Variants in CLK4 observed in about 807,000 individuals in gnomAD.
CLK4 encodes the protein dual specificity protein kinase CLK4.
CLK4 carries 37 observed loss-of-function variants against 64.4 expected under a neutral mutation model. The observed-to-expected ratio is 0.57, with a 90% CI of 0.44 to 0.76. The LOEUF (loss-of-function observed/expected upper bound fraction) is 0.76, where lower values mean the gene tolerates loss of function less well. Among genes scored for constraint, CLK4 ranks in the 30% least tolerant of loss-of-function variants. The pLI, the probability that CLK4 is intolerant of heterozygous loss-of-function variation, is 0.00. For synonymous variants in CLK4, 175 were observed against 191.6 expected, an observed-to-expected ratio of 0.91 and a Z score of 0.72; for missense variants, 457 against 605.1, an observed-to-expected ratio of 0.76 and a Z score of 2.57.
At chr5:178,603,960 AT>A in intron 11 of CLK4, 26 bp from the exon 12 acceptor site, 1 of 1,523,854 alleles carries the variant, frequency 6.6e-7, no homozygotes, top group Non-Finnish European at 8.9e-7. Context: ...AAAAGTCTGG[AT>A]TAGTAAAATA....
chr5:178,617,815 G>T lies in CLK4; in HGVS notation c.385-381C>A, dbSNP rs1764645352. Reference sequence around the variant, plus strand: ...GTGAATTGAGATGTCTAGTTTTTCAGAAAAATGTTTTAAAATGTCAAGACT... The same window carrying T: ...GTGAATTGAGATGTCTAGTTTTTCATAAAAATGTTTTAAAATGTCAAGACT... On this transcript the variant is annotated intron_variant, in intron 3 of 12. Transcript: ENST00000316308. The surrounding 1 kb of genome is among the most constrained non-coding windows in gnomAD (Gnocchi z 5.2). 6.5e-6 allele frequency: 1 copy of T among 155,010 alleles called. No individual in the cohort carries two copies. Among genetic ancestry groups the T allele is most frequent in the Non-Finnish European group, 1.4e-5 (1 of 70,088 alleles). The allele number at this position is 155,010 out of a possible 1,614,324, so 9.6% of individuals were successfully genotyped here. A position where few individuals can be genotyped will look rare whatever the true frequency, so the allele number is the denominator to read the frequency against.
rs1764421757 is a variant in CLK4, at chr5:178,603,903, C to T, written c.1246G>A (p.Asp416Asn). The T allele has an allele frequency of 6.2e-7, 1 of 1,609,030 alleles. No individual in the cohort carries two copies. Among genetic ancestry groups the T allele is most frequent in the African/African-American group, 1.3e-5 (1 of 74,314 alleles). Residue 416 changes from aspartate (D) to asparagine (N), a missense_variant, in exon 12 of 13, where the codon GAT becomes AAT. By Grantham distance (23) the Asp-to-Asn change is conservative. Transcript: ENST00000316308. ...KRKYFHHNQL[D>N]WDEHSSAGRY... ...CCAGCAGAACTGTGTTCATCCCAAT[C>T]TAGCTGGTTATGGTGAAAATACTTG...
Position 178,605,357 on chromosome 5 carries a change from G to T in CLK4, c.1160C>A (p.Ala387Glu). Residue 387 changes from alanine (A) to glutamate (E), a missense_variant, in exon 11 of 13, where the codon GCA (alanine) becomes GAA (glutamate). Physicochemically the swap from Ala to Glu is moderately radical, Grantham distance 107. Coordinates refer to ENST00000316308, the MANE Select transcript of CLK4 (RefSeq NM_020666.3). ...GGGTCCTAATATTCGTTCCATCATT[G>T]CCAGGTGCTCTTTACTATCATGAGT... ...FQTHDSKEHL[A>E]MMERILGPIP... is the part of the protein sequence containing the mutation. 1 of 1,594,310 alleles carries T rather than the reference G, an allele frequency of 6.3e-7. No homozygotes were observed. The highest frequency in any genetic ancestry group is 1.4e-5 in the African/African-American group (1 of 73,608).
At chr5:178,615,317 T>C (rs1562129112) in intron 5 of CLK4, among the ~76,000 whole-genome samples, 1 of 152,208 alleles carries the variant, frequency 6.6e-6, no homozygotes, top group Non-Finnish European at 1.5e-5. Flanking sequence ...TTGGCAAAAT[T>C]TGAAAACAAA....
intron 2 of CLK4, among the ~76,000 whole-genome samples, chr5:178,619,099 A>G (rs1396704053): frequency 6.6e-6 from 1 of 152,184 alleles, no homozygotes; most frequent in Non-Finnish European, 1.5e-5. Flanking sequence ...AAGCTGTCTT[A>G]GTCTCTCACA....
chr5:178,619,878 G>A, intron 2 of CLK4: 1 of 992,744 alleles, frequency 1.0e-6, no homozygotes, highest in Non-Finnish European at 1.4e-6. Context: ...GAAGCTTCAA[G>A]AGGGATGCAC....
At chr5:178,623,959 C>A (rs1764745399) in intron 1 of CLK4, among the ~76,000 whole-genome samples, 1 of 152,090 alleles carries the variant, frequency 6.6e-6, no homozygotes, top group African/African-American at 2.4e-5. Context: ...GCAGCTTTGG[C>A]AAAGTACTGT....
chr5:178,623,776 G>A (rs1764743116), intron 1 of CLK4, among the ~76,000 whole-genome samples: 1 of 152,010 alleles, frequency 6.6e-6, no homozygotes, highest in Non-Finnish European at 1.5e-5. Context: ...TTCAGGCCTA[G>A]TGTTTCCAGC....
chr5:178,618,148 C>T (rs2113810817), intron 3 of CLK4: 1 of 151,946 alleles, frequency 6.6e-6, no homozygotes, highest in South Asian at 2.1e-4. Context: ...AGGTTAGTAA[C>T]ATTCAGGTGT....
At chr5:178,611,089 G>C (rs1483322467) in intron 9 of CLK4, among the ~76,000 whole-genome samples, 2 of 151,728 alleles carry the variant, frequency 1.3e-5, no homozygotes, top group African/African-American at 2.4e-5. Flanking sequence ...AAAAAAAAGG[G>C]GGGGGTTACT....
intron 1 of CLK4, 67 bp downstream of exon 1, chr5:178,626,879 G>C (rs1197325925): frequency 6.5e-6 from 1 of 152,774 alleles, no homozygotes; most frequent in African/African-American, 2.4e-5. Flanking sequence ...TCGTTTCTCC[G>C]ACACCTGGCT....
At chr5:178,619,837 C>T (rs1180008779) in intron 2 of CLK4, 1 of 1,277,736 alleles carries the variant, frequency 7.8e-7, no homozygotes, top group Admixed American at 2.3e-5. Flanking sequence ...CCCCTCTCTA[C>T]CTGGGATGAG....
At chr5:178,613,284 G>A (rs900855532) in intron 7 of CLK4, among the ~76,000 whole-genome samples, 189 bp downstream of exon 7, 1 of 152,196 alleles carries the variant, frequency 6.6e-6, no homozygotes, top group Non-Finnish European at 1.5e-5. Flanking sequence ...AGCTGGGCAT[G>A]GTGGTGGGCG....
chr5:178,624,258 A>G (rs535966963), intron 1 of CLK4, among the ~76,000 whole-genome samples: 1 of 152,238 alleles, frequency 6.6e-6, no homozygotes, highest in Non-Finnish European at 1.5e-5. Context: ...CAAGCCCAGG[A>G]GTCTGAGACC....
chr5:178,614,265 G>C (rs1222198258), intron 5 of CLK4, among the ~76,000 whole-genome samples: 2 of 152,180 alleles, frequency 1.3e-5, no homozygotes, highest in African/African-American at 4.8e-5. Context: ...AAGTCTAATG[G>C]AAAAGACAGA....
At chr5:178,611,756 G>A (rs1162460159) in intron 9 of CLK4, among the ~76,000 whole-genome samples, 1 of 152,142 alleles carries the variant, frequency 6.6e-6, no homozygotes, top group Admixed American at 6.5e-5. Flanking sequence ...CTAACTTTAG[G>A]CTAAGTAATC....
chr5:178,608,639 T>C (rs958378998), intron 9 of CLK4, among the ~76,000 whole-genome samples, 181 bp from the exon 10 acceptor site: 3 of 152,214 alleles, frequency 2.0e-5, no homozygotes, highest in Non-Finnish European at 4.4e-5. Context: ...ATAGTCCATA[T>C]GCTCACATCA....
chr5:178,623,994 CA>C (rs1764745961), intron 1 of CLK4, among the ~76,000 whole-genome samples: 1 of 152,154 alleles, frequency 6.6e-6, no homozygotes, highest in Admixed American at 6.5e-5. Context: ...AAGTGCAAGA[CA>C]AAAACACTTA....
chr5:178,619,670 T>G (rs1764677391), intron 2 of CLK4: 4 of 665,420 alleles, frequency 6.0e-6, no homozygotes, highest in Admixed American at 3.5e-5. Context: ...GAAAATCTGC[T>G]GAAAGCCATG....
Sources: gnomAD v4.1 joint callset for allele counts (sites outside exome capture counted in the v4.1 genomes callset) on GRCh38, gnomAD v4.1.1 for gene constraint, Gnocchi (gnomAD v3.1) non-coding constraint, MANE v1.5 for transcripts, NCBI Gene and HGNC (gene_info 2026-07-23, HGNC 2026-07-21) for gene names.